The following ADH4 variants were observed in gnomAD, a reference collection of about 807,000 sequenced individuals.
ADH4 encodes the protein alcohol dehydrogenase 4 (class II), pi polypeptide, also known as all-trans-retinol dehydrogenase [NAD(+)] ADH4.
ADH4 carries 31 observed loss-of-function variants against 35.2 expected under a neutral mutation model. The observed-to-expected ratio is 0.88, with a 90% confidence interval of 0.66 to 1.19. The LOEUF (loss-of-function observed/expected upper bound fraction) is 1.19. Ranked by LOEUF, ADH4 falls within the 50% of genes most tolerant of loss-of-function variation. The pLI is 0.00. For synonymous variants in ADH4, 171 were observed against 160.2 expected, an observed-to-expected ratio of 1.07 and a Z score of -0.51; for missense variants, 476 against 458.3, an observed-to-expected ratio of 1.04 and a Z score of -0.35.
intron 6 of ADH4, among the ~76,000 whole-genome samples, chr4:99,128,453 A>G (rs1049407038): frequency 6.6e-6 from 1 of 152,228 alleles, no homozygotes; most frequent in Admixed American, 6.5e-5. Context: ...GTTAACAAGG[A>G]AATAACTTTA....
intron 4 of ADH4, 43 bp downstream of exon 4, chr4:99,139,018 T>C: frequency 6.8e-7 from 1 of 1,459,952 alleles, no homozygotes; most frequent in Non-Finnish European, 9.5e-7. Flanking sequence ...TTCCAAAATA[T>C]TCATTCAAAT....
At chr4:99,130,976 G>A (rs577697531) in intron 6 of ADH4, among the ~76,000 whole-genome samples, 254 of 152,076 alleles carry the variant, frequency 1.7e-3, no homozygotes, top group African/African-American at 5.5e-3. Flanking sequence ...AACAAAATAG[G>A]TGTTTATTCC....
intron 5 of ADH4, among the ~76,000 whole-genome samples, chr4:99,134,893 CTAGG>C (rs1002225460): frequency 6.6e-6 from 1 of 150,738 alleles, no homozygotes; most frequent in African/African-American, 2.4e-5. Flanking sequence ...CTGAACAACT[CTAGG>C]TAACCTGATA....
chr4:99,130,953 C>T (rs1226869504), intron 6 of ADH4, among the ~76,000 whole-genome samples: 1 of 151,922 alleles, frequency 6.6e-6, no homozygotes, highest in Non-Finnish European at 1.5e-5. Context: ...GTATATAATG[C>T]ATAAGATAGC....
intron 6 of ADH4, among the ~76,000 whole-genome samples, chr4:99,128,102 T>G (rs28987101): frequency 0.21 from 31,953 of 152,000 alleles, 4,027 homozygotes; most frequent in Non-Finnish European, 0.28. Flanking sequence ...GTGTTTAACC[T>G]TATGGTTCTT....
chr4:99,130,271 CT>C (rs1729231011), intron 6 of ADH4, among the ~76,000 whole-genome samples: 2 of 152,182 alleles, frequency 1.3e-5, no homozygotes, highest in African/African-American at 4.8e-5. Flanking sequence ...TAAATTAAGT[CT>C]CTGACTTATT....
intron 2 of ADH4, among the ~76,000 whole-genome samples, 177 bp from the exon 3 acceptor site, chr4:99,141,859 C>T (rs1729636083): frequency 6.6e-6 from 1 of 152,076 alleles, no homozygotes; most frequent in African/African-American, 2.4e-5. Flanking sequence ...GATTATTTTC[C>T]TCTTATAATG....
chr4:99,131,872 C>T (rs1729288329), intron 5 of ADH4, 108 bp from the exon 6 acceptor site: 1 of 1,249,908 alleles, frequency 8.0e-7, no homozygotes, highest in Non-Finnish European at 1.1e-6. Context: ...TAAAGACAGC[C>T]TGCTATTAAA....
chr4:99,128,409 G>A (rs1056398259), intron 6 of ADH4, among the ~76,000 whole-genome samples: 8 of 152,222 alleles, frequency 5.3e-5, no homozygotes, highest in African/African-American at 9.6e-5. Flanking sequence ...GCACTCCACC[G>A]GGCGACAGAG....
Position 99,131,498 on chromosome 4 carries a change from A to G in ADH4, c.843+6T>C. 1 of 1,610,934 alleles carries G rather than the reference A, an allele frequency of 6.2e-7. No homozygotes were observed. On this transcript the variant is annotated splice_donor_region_variant and intron_variant, in intron 6 of 8. Coordinates refer to ENST00000265512, the MANE Select transcript of ADH4 (RefSeq NM_000670.5). Reference sequence around the variant, plus strand: ...AAAATATGATCCAAGAACAAAATATACATACCATGGTTTCAGATCCACCTG... The same window carrying G: ...AAAATATGATCCAAGAACAAAATATGCATACCATGGTTTCAGATCCACCTG...
In ADH4 at chr4:99,144,285, C is replaced by G; in HGVS notation, c.-63G>C. The stretch of plus-strand genomic sequence containing the variant: ...GTTAAGAAAGCTTCAAACTCCTACC[C>G]AGGGAGTTCCGTGTCCTATAATGAG... On this transcript the variant is annotated 5_prime_UTR_variant, in exon 1 of 9. Coordinates refer to ENST00000265512, the MANE Select transcript of ADH4 (RefSeq NM_000670.5). 1 of 1,502,266 alleles carries G rather than the reference C, an allele frequency of 6.7e-7. No homozygotes were observed. The highest frequency in any genetic ancestry group is 1.7e-5 in the Admixed American group (1 of 59,832). 93.1% of individuals were successfully genotyped at this position (1,502,266 alleles called of 1,614,324 possible).
intron 6 of ADH4, among the ~76,000 whole-genome samples, chr4:99,127,549 C>T (rs554503853): frequency 3.3e-5 from 5 of 152,230 alleles, no homozygotes; most frequent in South Asian, 2.1e-4. Context: ...CAGCACAGTC[C>T]GGGTGCAGGT....
chr4:99,143,555 A>C (rs1477469603), intron 1 of ADH4, among the ~76,000 whole-genome samples: 9 of 152,116 alleles, frequency 5.9e-5, no homozygotes, highest in Non-Finnish European at 1.2e-4. Context: ...ACAAACCTAT[A>C]ATCTTCTGTT....
intron 6 of ADH4, among the ~76,000 whole-genome samples, chr4:99,130,708 A>C (rs149569910): frequency 1.0e-3 from 152 of 152,310 alleles, no homozygotes; most frequent in African/African-American, 3.3e-3. Context: ...ATTAATTTTT[A>C]AAATGTTGTC....
chr4:99,137,262 G>T (rs28987091), intron 4 of ADH4, among the ~76,000 whole-genome samples: 105 of 152,198 alleles, frequency 6.9e-4, no homozygotes, highest in Non-Finnish European at 1.1e-3. Context: ...CGAGTAGCTG[G>T]GACTACAGGC....
intron 6 of ADH4, among the ~76,000 whole-genome samples, chr4:99,127,943 G>A (rs566726073): frequency 7.9e-5 from 12 of 151,634 alleles, no homozygotes; most frequent in African/African-American, 2.9e-4. Context: ...TGTTTAAAGT[G>A]TCAGGGTTTG....
At chr4:99,137,417 C>T (rs545289436) in intron 4 of ADH4, among the ~76,000 whole-genome samples, 12 of 152,112 alleles carry the variant, frequency 7.9e-5, no homozygotes, top group East Asian at 3.9e-4. Context: ...TGAGCCACCT[C>T]GCCTGGCCCT....
chr4:99,126,556 C>T (rs375139772), intron 8 of ADH4, 38 bp downstream of exon 8: 30 of 1,528,666 alleles, frequency 2.0e-5, no homozygotes, highest in South Asian at 3.8e-5. Flanking sequence ...TCATTGTAAA[C>T]GTTTTTTAAA....
chr4:99,139,501 A>T (rs1729546026), intron 3 of ADH4, among the ~76,000 whole-genome samples: 1 of 152,160 alleles, frequency 6.6e-6, no homozygotes, highest in South Asian at 2.1e-4. Flanking sequence ...ATAATAGGAG[A>T]GGTAAACAAT....
Sources: allele counts gnomAD v4.1 joint callset (sites outside exome capture counted in the v4.1 genomes callset), GRCh38; gene constraint gnomAD v4.1.1; transcripts MANE v1.5; gene names NCBI Gene and HGNC (gene_info 2026-07-23, HGNC 2026-07-21).